The following DDX42 variants were observed in gnomAD, a reference collection of about 807,000 sequenced individuals.
DDX42 encodes DEAD-box helicase 42.
Under a neutral mutation model 101.5 loss-of-function variants are expected in DDX42, and 22 were observed. The ratio of observed to expected loss-of-function variants is 0.22; its 90% confidence interval spans 0.15 to 0.31. The LOEUF (loss-of-function observed/expected upper bound fraction) is 0.31. Ranked by LOEUF, DDX42 falls within the 10% of genes least tolerant of loss-of-function variation. DDX42 has a pLI of 1.00. For synonymous variants in DDX42, 402 were observed against 401.2 expected (o/e 1.00, Z -0.02); for missense variants, 849 against 1,199.9 (o/e 0.71, Z 4.32).
chr17:63,796,442 G>A (rs1479294883), intron 3 of DDX42, among the ~76,000 whole-genome samples: 1 of 152,106 alleles, frequency 6.6e-6, no homozygotes, highest in Non-Finnish European at 1.5e-5. Flanking sequence ...TCAGCTTCCC[G>A]AGTAGCTGAG....
chr17:63,809,105 A>G (rs888491132), intron 10 of DDX42, among the ~76,000 whole-genome samples, 157 bp downstream of exon 10: 2 of 152,228 alleles, frequency 1.3e-5, no homozygotes, highest in African/African-American at 4.8e-5. Context: ...TGGTGGCTAA[A>G]TTAGCAGTTC....
chr17:63,809,055 A>C, intron 10 of DDX42, 107 bp downstream of exon 10: 4 of 1,462,752 alleles, frequency 2.7e-6, no homozygotes, highest in Non-Finnish European at 3.7e-6. Context: ...CAGGGTTGAA[A>C]ATATACTGAT....
At chr17:63,813,050 A>G (rs962611416) in intron 14 of DDX42, among the ~76,000 whole-genome samples, 178 bp from the exon 15 acceptor site, 3 of 152,132 alleles carry the variant, frequency 2.0e-5, no homozygotes, top group African/African-American at 7.2e-5. Context: ...CTTACACTAG[A>G]AGGCCTAACA....
chr17:63,817,518 A>C, intron 17 of DDX42, 176 bp from the exon 18 acceptor site: 1 of 614,346 alleles, frequency 1.6e-6, no homozygotes, highest in South Asian at 2.2e-5. Flanking sequence ...GAGATCCACA[A>C]GTTTTCCTTT....
At chr17:63,804,105 A>ATT (rs577401633) in intron 6 of DDX42, among the ~76,000 whole-genome samples, 2 of 148,414 alleles carry the variant, frequency 1.3e-5, no homozygotes, top group South Asian at 2.1e-4. Flanking sequence ...CAGAACTATG[A>ATT]TTTTTTTTTT....
intron 3 of DDX42, among the ~76,000 whole-genome samples, chr17:63,793,265 T>G (rs191341529): frequency 1.3e-5 from 2 of 152,150 alleles, no homozygotes; most frequent in African/African-American, 4.8e-5. Flanking sequence ...TTTTTTTTCT[T>G]TCTTTCTTTT....
intron 17 of DDX42, chr17:63,817,219 G>A (rs1464802064): frequency 2.2e-6 from 1 of 445,856 alleles, no homozygotes; most frequent in Non-Finnish European, 4.0e-6. Flanking sequence ...AGCAGGGTGT[G>A]TGTTCCCTCC....
intron 7 of DDX42, 134 bp downstream of exon 7, chr17:63,805,309 T>C: frequency 9.2e-7 from 1 of 1,085,668 alleles, no homozygotes; most frequent in Non-Finnish European, 1.3e-6. Context: ...GAGTAATTAT[T>C]ATATCCCTTC....
intron 15 of DDX42, 111 bp from the exon 16 acceptor site, chr17:63,815,452 G>A (rs1567747055): frequency 5.4e-6 from 4 of 734,568 alleles, no homozygotes; most frequent in South Asian, 3.6e-5. Context: ...AGTGCTGGCT[G>A]AAAATTAAGC....
intron 5 of DDX42, 113 bp from the exon 6 acceptor site, chr17:63,800,355 T>G: frequency 1.1e-6 from 1 of 910,624 alleles, no homozygotes; most frequent in South Asian, 2.0e-5. Flanking sequence ...CTTGCCTTAC[T>G]TGGTAGGTAT....
intron 1 of DDX42, chr17:63,775,969 T>C (rs2039416047): frequency 6.6e-6 from 1 of 152,232 alleles, no homozygotes; most frequent in Admixed American, 6.5e-5. Flanking sequence ...ACCTAGCATT[T>C]ACTTGTATTT....
Position 63,805,089 on chromosome 17 carries a change from G to GA in DDX42, c.647dup (p.Asn216LysfsTer5). Reference sequence around the variant, plus strand: ...CCTGCAGATTGACTATCCACCATTTGAAAAAAACTTTTACAATGAGCATGA... The same window carrying GA: ...CCTGCAGATTGACTATCCACCATTTGAAAAAAAACTTTTACAATGAGCATGA... On this transcript the variant is annotated frameshift_variant, in exon 7 of 18. Transcript: ENST00000389924. LOFTEE classifies it high-confidence loss of function. 6.2e-7 allele frequency: 1 copy of GA among 1,609,880 alleles called. No individual in the cohort carries two copies. The highest frequency in any genetic ancestry group is 1.1e-5 in the South Asian group (1 of 89,652).
intron 9 of DDX42, among the ~76,000 whole-genome samples, 188 bp downstream of exon 9, chr17:63,808,088 A>G (rs1484620481): frequency 6.6e-6 from 1 of 152,236 alleles, no homozygotes; most frequent in African/African-American, 2.4e-5. Context: ...TTGTGCTACC[A>G]GGAAACTTTT....
At chr17:63,798,177 A>G in intron 4 of DDX42, 78 bp downstream of exon 4, 1 of 1,364,268 alleles carries the variant, frequency 7.3e-7, no homozygotes, top group Non-Finnish European at 1.0e-6. Context: ...CCCAAAGTTT[A>G]TAGAGAAAAA....
At chr17:63,795,250 A>G (rs1304122381) in intron 3 of DDX42, among the ~76,000 whole-genome samples, 1 of 152,228 alleles carries the variant, frequency 6.6e-6, no homozygotes, top group African/African-American at 2.4e-5. Context: ...CCTACATTAG[A>G]CAAGGCATGC....
At chr17:63,794,829 G>A (rs983406875) in intron 3 of DDX42, among the ~76,000 whole-genome samples, 2 of 151,448 alleles carry the variant, frequency 1.3e-5, no homozygotes, top group Non-Finnish European at 2.9e-5. Flanking sequence ...CCTGCTACTC[G>A]GGAGGCTGAG....
Position 63,807,909 on chromosome 17 carries a change from T to G in DDX42, c.1023+9T>G, listed in dbSNP as rs765916715. The G allele has an allele frequency of 6.2e-7, 1 of 1,607,486 alleles. No individual in the cohort carries two copies. ...GGGAGCTTTGCCAGCAGGTATGTGC[T>G]TTCTATAGAATGCCTCCTTCCATAT... On this transcript the variant is annotated intron_variant, in intron 9 of 17. Transcript: ENST00000389924.
At chr17:63,800,329 C>A in intron 5 of DDX42, 139 bp from the exon 6 acceptor site, 1 of 631,340 alleles carries the variant, frequency 1.6e-6, no homozygotes, top group Non-Finnish European at 2.6e-6. Context: ...TTAAAGGAAT[C>A]ATTGCTAGTA....
intron 2 of DDX42, among the ~76,000 whole-genome samples, chr17:63,790,899 C>T (rs2039619575): frequency 6.6e-6 from 1 of 152,186 alleles, no homozygotes; most frequent in African/African-American, 2.4e-5. Flanking sequence ...CGCCGCTGCA[C>T]TGCAGCCTGG....
Sources: gnomAD v4.1 joint callset for allele counts (sites outside exome capture counted in the v4.1 genomes callset) on GRCh38, gnomAD v4.1.1 for gene constraint, MANE v1.5 for transcripts, NCBI Gene and HGNC (gene_info 2026-07-23, HGNC 2026-07-21) for gene names.